NEMP2: variants seen among roughly 807,000 people sequenced by gnomAD.
NEMP2 encodes UPF0571 transmembrane protein.
A neutral mutation model predicts 54.2 loss-of-function variants in NEMP2; 53 were observed. The observed-to-expected ratio is 0.98, with a 90% CI of 0.78 to 1.23. The LOEUF is 1.23. NEMP2 is among the 50% of genes most tolerant of loss of function. The pLI is 0.00. For synonymous variants in NEMP2, 197 were observed against 190.3 expected (o/e 1.04, Z -0.29); for missense variants, 455 against 511.3 (o/e 0.89, Z 1.06).
At chr2:190,437,549 T>A in the NEMP2 span, 1 of 1,613,152 alleles carries the variant, frequency 6.2e-7, no homozygotes, top group Non-Finnish European at 8.5e-7. This position sits in a 1 kb window ranked among gnomAD's most constrained non-coding sequence, Gnocchi z 5.9. Context: ...ATTGAATTGA[T>A]CGGCCACATC....
chr2:190,473,970 G>A, the NEMP2 span, among the ~76,000 whole-genome samples: 1 of 152,118 alleles, frequency 6.6e-6, no homozygotes, highest in Non-Finnish European at 1.5e-5. Flanking sequence ...TGACTACTGG[G>A]TACATAAGGA....
chr2:190,440,807 T>C, the NEMP2 span, among the ~76,000 whole-genome samples: 1 of 152,168 alleles, frequency 6.6e-6, no homozygotes, highest in Non-Finnish European at 1.5e-5. Context: ...CTACTTAATA[T>C]TAGCAAAATA....
chr2:190,473,205 CATA>C, the NEMP2 span, among the ~76,000 whole-genome samples: 1 of 152,190 alleles, frequency 6.6e-6, no homozygotes, highest in East Asian at 1.9e-4. Flanking sequence ...CAGCTAACAT[CATA>C]ATGACAGGAT....
chr2:190,647,710 C>CTTTTTTTT, the NEMP2 span, among the ~76,000 whole-genome samples: 333 of 102,296 alleles, frequency 3.3e-3, 1 homozygote, highest in Non-Finnish European at 4.2e-3. Flanking sequence ...TCTTCTTCTT[C>CTTTTTTTT]TTTTTTTTTT....
At chr2:190,588,520 C>T in the NEMP2 span, among the ~76,000 whole-genome samples, 5 of 152,034 alleles carry the variant, frequency 3.3e-5, no homozygotes, top group Admixed American at 3.3e-4. The surrounding 1 kb of genome is among the most constrained non-coding windows in gnomAD (Gnocchi z 5.0). Context: ...GAATACAGAA[C>T]CTACCTAGAC....
In NEMP2 at chr2:190,506,746, C is replaced by T. The variant is rs1690197776; in HGVS notation, c.*2443G>A. The stretch of plus-strand genomic sequence containing the variant: ...CCACCTACACTATATCTCACCCACA[C>T]ATCTGGTGTCAAAGAGTTCAACTTG... On this transcript the variant is annotated 3_prime_UTR_variant, in exon 9 of 9. Coordinates refer to ENST00000409150, the MANE Select transcript of NEMP2 (RefSeq NM_001142645.2). This position sits in a 1 kb window ranked among gnomAD's most constrained non-coding sequence, Gnocchi z 6.3. The T allele has an allele frequency of 6.6e-6, 1 of 152,254 alleles. No homozygotes were observed. Among genetic ancestry groups the T allele is most frequent in the African/African-American group, 2.4e-5 (1 of 41,472 alleles). The allele number at this position is 152,254 out of a possible 1,614,324, so 9.4% of individuals were successfully genotyped here. A position where few individuals can be genotyped will look rare whatever the true frequency, so the allele number is the denominator to read the frequency against.
the NEMP2 span, among the ~76,000 whole-genome samples, chr2:190,485,103 T>C: frequency 6.6e-6 from 1 of 152,224 alleles, no homozygotes; most frequent in Non-Finnish European, 1.5e-5. The surrounding 1 kb of genome is among the most constrained non-coding windows in gnomAD (Gnocchi z 5.1). Context: ...AAAAGCATCC[T>C]GACTTAAGTC....
chr2:190,566,062 C>A, the NEMP2 span, among the ~76,000 whole-genome samples: 7 of 146,328 alleles, frequency 4.8e-5, no homozygotes, highest in East Asian at 1.2e-3. Context: ...TGCACTGAAG[C>A]AATCCCTGAA....
chr2:190,598,976 T>C, the NEMP2 span, among the ~76,000 whole-genome samples: 1 of 152,208 alleles, frequency 6.6e-6, no homozygotes. Context: ...TTGTTTTTAG[T>C]GGCTCTCTAG....
chr2:190,516,531 G>A (rs969489328), intron 5 of NEMP2, 147 bp from the exon 6 acceptor site: 2 of 609,424 alleles, frequency 3.3e-6, no homozygotes, highest in Non-Finnish European at 5.6e-6. Flanking sequence ...GTCTTAAGGT[G>A]TGGTCCACAA....
the NEMP2 span, among the ~76,000 whole-genome samples, chr2:190,482,757 C>G: frequency 6.8e-6 from 1 of 147,386 alleles, no homozygotes. Flanking sequence ...GCATGTTGTA[C>G]AATCAGATAC....
At chr2:190,593,308 G>T in the NEMP2 span, among the ~76,000 whole-genome samples, 4 of 152,190 alleles carry the variant, frequency 2.6e-5, no homozygotes, top group East Asian at 7.7e-4. The surrounding 1 kb of genome is among the most constrained non-coding windows in gnomAD (Gnocchi z 4.5). Context: ...ACTTGAAAAA[G>T]AAAGTTCATT....
the NEMP2 span, among the ~76,000 whole-genome samples, chr2:190,554,473 AG>A: frequency 1.3e-3 from 191 of 152,314 alleles, 1 homozygote; most frequent in African/African-American, 4.3e-3. This position sits in a 1 kb window ranked among gnomAD's most constrained non-coding sequence, Gnocchi z 5.7. Context: ...GGTGGAGGGA[AG>A]GGTGTCCACC....
At chr2:190,630,794 T>C in the NEMP2 span, among the ~76,000 whole-genome samples, 1 of 152,300 alleles carries the variant, frequency 6.6e-6, no homozygotes, top group Non-Finnish European at 1.5e-5. The surrounding 1 kb of genome is among the most constrained non-coding windows in gnomAD (Gnocchi z 5.5). Flanking sequence ...TTCCGTTTTT[T>C]CATGAACCTT....
chr2:190,489,792 T>C, the NEMP2 span: 12 of 1,613,986 alleles, frequency 7.4e-6, no homozygotes, highest in African/African-American at 2.7e-5. The surrounding 1 kb of genome is among the most constrained non-coding windows in gnomAD (Gnocchi z 6.6). Flanking sequence ...TTCCGAGGAA[T>C]TGGCATGGCC....
the NEMP2 span, among the ~76,000 whole-genome samples, chr2:190,617,360 T>C: frequency 1.3e-5 from 2 of 152,172 alleles, no homozygotes; most frequent in Non-Finnish European, 2.9e-5. This position sits in a 1 kb window ranked among gnomAD's most constrained non-coding sequence, Gnocchi z 5.0. Flanking sequence ...AAAGGTCTTA[T>C]CTATTTGGAA....
the NEMP2 span, among the ~76,000 whole-genome samples, chr2:190,496,368 T>G: frequency 6.6e-6 from 1 of 152,324 alleles, no homozygotes; most frequent in East Asian, 1.9e-4. The surrounding 1 kb of genome is among the most constrained non-coding windows in gnomAD (Gnocchi z 4.7). Context: ...AAGGAAACAC[T>G]TCTACACTGC....
upstream of NEMP2, among the ~76,000 whole-genome samples, chr2:190,535,580 ATATCT>A (rs1408639342): frequency 2.0e-5 from 3 of 152,210 alleles, no homozygotes; most frequent in Non-Finnish European, 2.9e-5. Context: ...TTTTGGTGAG[ATATCT>A]TAGAGAACCC....
chr2:190,460,807 G>T, the NEMP2 span, among the ~76,000 whole-genome samples: 2 of 152,220 alleles, frequency 1.3e-5, no homozygotes. Flanking sequence ...ATCCCTGCGA[G>T]TGGGAGGACT....
Sources: gnomAD v4.1 joint callset for allele counts (sites outside exome capture counted in the v4.1 genomes callset) on GRCh38, gnomAD v4.1.1 for gene constraint, Gnocchi (gnomAD v3.1) non-coding constraint, MANE v1.5 for transcripts, NCBI Gene and HGNC (gene_info 2026-07-23, HGNC 2026-07-21) for gene names.